The following PTPRT variants were observed in gnomAD, a reference collection of about 807,000 sequenced individuals.
PTPRT encodes the protein receptor-type tyrosine-protein phosphatase T.
Under a neutral mutation model 176.8 loss-of-function variants are expected in PTPRT, and 56 were observed. The observed-to-expected ratio is 0.32, with a 90% CI of 0.26 to 0.40. PTPRT has a LOEUF of 0.40. Ranked by LOEUF, PTPRT falls within the 10% of genes least tolerant of loss-of-function variation. The probability of loss-of-function intolerance (pLI) is 1.00; values close to 1 mark genes in which losing one functional copy is unlikely to be tolerated. For synonymous variants in PTPRT, 783 were observed against 739.0 expected, an observed-to-expected ratio of 1.06 and a Z score of -0.96; for missense variants, 1,540 against 1,908.2, an observed-to-expected ratio of 0.81 and a Z score of 3.60.
At chr20:42,838,033 G>A (rs186503703) in intron 2 of PTPRT, among the ~76,000 whole-genome samples, 4 of 152,284 alleles carry the variant, frequency 2.6e-5, no homozygotes, top group Non-Finnish European at 4.4e-5. Flanking sequence ...TGTTTTGTTT[G>A]TTTGTTTGTT....
At chr20:42,913,902 T>C (rs1028739323) in intron 1 of PTPRT, among the ~76,000 whole-genome samples, 5 of 152,220 alleles carry the variant, frequency 3.3e-5, no homozygotes, top group Non-Finnish European at 5.9e-5. Context: ...TTTGAGACTA[T>C]TGAACTCATC....
intron 7 of PTPRT, among the ~76,000 whole-genome samples, chr20:42,580,000 A>G (rs1458961623): frequency 6.6e-6 from 1 of 152,142 alleles, no homozygotes. Flanking sequence ...CTGAATGGTA[A>G]TGCCTAGGTT....
At chr20:42,205,239 T>C (rs1297311865) in intron 15 of PTPRT, among the ~76,000 whole-genome samples, 3 of 152,156 alleles carry the variant, frequency 2.0e-5, no homozygotes, top group Admixed American at 1.3e-4. Context: ...CCCCAATTTT[T>C]CTGGTTTAGC....
At chr20:42,319,087 A>G (rs2057761887) in intron 11 of PTPRT, among the ~76,000 whole-genome samples, 1 of 152,132 alleles carries the variant, frequency 6.6e-6, no homozygotes, top group African/African-American at 2.4e-5. Context: ...GTATATCCCC[A>G]TCAGCTCTTT....
At chr20:42,843,446 T>A (rs1366615810) in intron 2 of PTPRT, among the ~76,000 whole-genome samples, 2 of 152,188 alleles carry the variant, frequency 1.3e-5, no homozygotes, top group African/African-American at 4.8e-5. Flanking sequence ...ACCCAAGCAA[T>A]GACTTCTTTT....
At chr20:42,896,040 A>G (rs2145901407) in intron 1 of PTPRT, among the ~76,000 whole-genome samples, 1 of 152,232 alleles carries the variant, frequency 6.6e-6, no homozygotes, top group African/African-American at 2.4e-5. Context: ...TGCTAGCCCT[A>G]CGGATAAGGG....
intron 12 of PTPRT, among the ~76,000 whole-genome samples, chr20:42,286,730 C>T (rs1236120495): frequency 1.3e-5 from 2 of 151,392 alleles, no homozygotes; most frequent in Non-Finnish European, 3.0e-5. Flanking sequence ...GCAAAGAAAG[C>T]AAAAATAAAC....
intron 1 of PTPRT, among the ~76,000 whole-genome samples, chr20:43,077,402 C>G (rs1396023483): frequency 6.6e-6 from 1 of 152,196 alleles, no homozygotes; most frequent in Non-Finnish European, 1.5e-5. Flanking sequence ...ATATACCACA[C>G]TGCATTCCAC....
intron 1 of PTPRT, among the ~76,000 whole-genome samples, chr20:42,951,987 G>A (rs1211657199): frequency 6.6e-6 from 1 of 152,226 alleles, no homozygotes; most frequent in African/African-American, 2.4e-5. Context: ...TTTAGGAAAA[G>A]GCACCCAAAT....
chr20:42,548,848 G>A (rs1354509489), intron 7 of PTPRT, among the ~76,000 whole-genome samples: 1 of 152,110 alleles, frequency 6.6e-6, no homozygotes, highest in Non-Finnish European at 1.5e-5. Context: ...AAATATTAAG[G>A]AGCATTGGAC....
At chr20:42,201,495 T>C (rs1991444147) in intron 15 of PTPRT, among the ~76,000 whole-genome samples, 1 of 152,072 alleles carries the variant, frequency 6.6e-6, no homozygotes, top group Non-Finnish European at 1.5e-5. Context: ...GAGGAAGGTT[T>C]ATTTATAAAA....
At chr20:42,117,290 T>C (rs930634689) in intron 21 of PTPRT, among the ~76,000 whole-genome samples, 17 of 152,348 alleles carry the variant, frequency 1.1e-4, no homozygotes, top group African/African-American at 4.1e-4. Flanking sequence ...ATTATCTGTT[T>C]CTTACCCAAA....
the PTPRT span, among the ~76,000 whole-genome samples, chr20:42,042,975 C>T: frequency 6.8e-3 from 1,037 of 152,356 alleles, 5 homozygotes; most frequent in Non-Finnish European, 0.01. Flanking sequence ...GTAAATCAAA[C>T]ATCACCGCTT....
intron 9 of PTPRT, among the ~76,000 whole-genome samples, chr20:42,359,731 A>C (rs35604003): frequency 6.6e-6 from 1 of 152,136 alleles, no homozygotes. Flanking sequence ...CCTGCTTTCC[A>C]AAGCCAAGCT....
intron 1 of PTPRT, 104 bp from the exon 2 acceptor site, chr20:42,886,036 T>C (rs1178626129): frequency 2.5e-6 from 2 of 803,394 alleles, no homozygotes; most frequent in African/African-American, 1.9e-5. Flanking sequence ...TTTTAAACTC[T>C]GGAGAAGATT....
intron 6 of PTPRT, among the ~76,000 whole-genome samples, chr20:42,700,393 G>C (rs1490501239): frequency 1.3e-5 from 2 of 152,074 alleles, no homozygotes; most frequent in South Asian, 2.1e-4. Context: ...TGGTATAAAA[G>C]GATCTGACAT....
intron 1 of PTPRT, among the ~76,000 whole-genome samples, chr20:42,888,894 T>C (rs1360088862): frequency 6.6e-6 from 1 of 152,228 alleles, no homozygotes; most frequent in East Asian, 1.9e-4. Context: ...TGCTTTCTTA[T>C]GTATGTGTTG....
At chr20:42,069,312 C>T (rs1982219249), downstream of PTPRT, among the ~76,000 whole-genome samples, 1 of 152,078 alleles carries the variant, frequency 6.6e-6, no homozygotes, top group Non-Finnish European at 1.5e-5. Flanking sequence ...TAAGGGGACT[C>T]ATGAAAAAAA....
At chr20:42,660,121 G>T (rs538568002) in intron 7 of PTPRT, among the ~76,000 whole-genome samples, 1 of 152,202 alleles carries the variant, frequency 6.6e-6, no homozygotes, top group Non-Finnish European at 1.5e-5. Context: ...TAGGAAGATT[G>T]TACTGTAAAG....
Sources: allele counts gnomAD v4.1 joint callset (sites outside exome capture counted in the v4.1 genomes callset), GRCh38; gene constraint gnomAD v4.1.1; transcripts MANE v1.5; gene names NCBI Gene and HGNC (gene_info 2026-07-23, HGNC 2026-07-21).